Variants in BOLL observed in about 807,000 individuals in gnomAD.
BOLL encodes boule RNA binding protein.
A neutral mutation model predicts 44.4 loss-of-function variants in BOLL; 23 were observed. The ratio of observed to expected loss-of-function variants is 0.52; its 90% confidence interval spans 0.37 to 0.73. The LOEUF (loss-of-function observed/expected upper bound fraction) is 0.73. Among genes scored for constraint, BOLL ranks in the 30% least tolerant of loss-of-function variants. The pLI, the probability that BOLL is intolerant of heterozygous loss-of-function variation, is 0.00. For synonymous variants in BOLL, 97 were observed against 110.8 expected, an observed-to-expected ratio of 0.88 and a Z score of 0.78; for missense variants, 287 against 338.3, an observed-to-expected ratio of 0.85 and a Z score of 1.19.
At chr2:197,768,889 G>A (rs770740670) in intron 6 of BOLL, among the ~76,000 whole-genome samples, 66 of 150,292 alleles carry the variant, frequency 4.4e-4, no homozygotes, top group Admixed American at 8.0e-4. Context: ...GAATTTTGTC[G>A]AAGGCCTTTC....
At chr2:197,751,129 C>T (rs1688227309) in intron 9 of BOLL, among the ~76,000 whole-genome samples, 1 of 152,188 alleles carries the variant, frequency 6.6e-6, no homozygotes, top group South Asian at 2.1e-4. Flanking sequence ...ACCAGAATCT[C>T]TGGGACACAG....
intron 6 of BOLL, among the ~76,000 whole-genome samples, chr2:197,771,434 C>G (rs1293812146): frequency 6.6e-6 from 1 of 151,776 alleles, no homozygotes; most frequent in Non-Finnish European, 1.5e-5. Flanking sequence ...CAACATGGCA[C>G]ATGTATACAT....
At chr2:197,734,473 A>G (rs1052850395) in intron 10 of BOLL, among the ~76,000 whole-genome samples, 3 of 152,210 alleles carry the variant, frequency 2.0e-5, no homozygotes, top group African/African-American at 7.2e-5. Flanking sequence ...GTATATACCC[A>G]AAGGGTTATA....
rs565889172 is a variant in BOLL at position 197,728,259 on chromosome 2, T to A, written c.*296A>T. 2.3e-6 allele frequency: 1 copy of A among 436,764 alleles called. No homozygotes were observed. The highest frequency in any genetic ancestry group is 4.0e-5 in the Admixed American group (1 of 25,216). 27.1% of individuals were successfully genotyped at this position (436,764 alleles called of 1,614,324 possible). A position where few individuals can be genotyped will look rare whatever the true frequency, so the allele number is the denominator to read the frequency against. ...AAAAGACACCTCACTATTCCCAATG[T>A]GGTTATTATTTATGGAATGGATAAA... On this transcript the variant is annotated 3_prime_UTR_variant, in exon 11 of 11. Transcript: ENST00000392296.
intron 6 of BOLL, among the ~76,000 whole-genome samples, chr2:197,767,565 G>T (rs1689050905): frequency 6.6e-6 from 1 of 151,840 alleles, no homozygotes; most frequent in Non-Finnish European, 1.5e-5. Flanking sequence ...AACAAACATG[G>T]TAGAAAATGG....
intron 10 of BOLL, among the ~76,000 whole-genome samples, chr2:197,735,956 C>A (rs563449278): frequency 1.3e-5 from 2 of 152,064 alleles, no homozygotes; most frequent in Admixed American, 6.6e-5. Flanking sequence ...ATGGGAAGTT[C>A]TTTGTGCATG....
intron 7 of BOLL, among the ~76,000 whole-genome samples, chr2:197,765,398 ATAAGTTC>A (rs1031450569): frequency 3.3e-5 from 5 of 152,180 alleles, no homozygotes; most frequent in African/African-American, 1.2e-4. Context: ...GATAGGAGGA[ATAAGTTC>A]TAATGTTTTA....
intron 7 of BOLL, among the ~76,000 whole-genome samples, chr2:197,759,986 A>G (rs952013406): frequency 2.0e-5 from 3 of 152,138 alleles, no homozygotes; most frequent in African/African-American, 7.2e-5. Context: ...CTGTGTGTCC[A>G]TGCCTCAGGC....
At chr2:197,754,056 T>C (rs1255038330) in intron 9 of BOLL, among the ~76,000 whole-genome samples, 2 of 152,150 alleles carry the variant, frequency 1.3e-5, no homozygotes, top group Non-Finnish European at 2.9e-5. Context: ...AAACACTGCA[T>C]GTTCTCACTC....
Position 197,785,131 on chromosome 2 carries a change from G to T in BOLL, c.-91C>A, listed in dbSNP as rs545671890. ...CGGCACTGGGGGAAATGGCCGCGGC[G>T]ACAACTTCCTCGAGTTCTCTCGGGT... On this transcript the variant is annotated 5_prime_UTR_variant, in exon 1 of 11. The change creates a premature stop within an existing upstream ORF in the 5' untranslated region. Coordinates refer to ENST00000392296, the MANE Select transcript of BOLL (RefSeq NM_033030.6). The surrounding 1 kb of genome is among the most constrained non-coding windows in gnomAD (Gnocchi z 6.7). 1.0e-6 allele frequency: 1 copy of T among 985,874 alleles called. No individual in the cohort carries two copies. The highest frequency in any genetic ancestry group is 1.7e-5 in the African/African-American group (1 of 57,238). The allele number at this position is 985,874 out of a possible 1,614,324, so 61.1% of individuals were successfully genotyped here. A position where few individuals can be genotyped will look rare whatever the true frequency, so the allele number is the denominator to read the frequency against.
At chr2:197,729,861 GA>G (rs1687067193) in intron 10 of BOLL, among the ~76,000 whole-genome samples, 1 of 151,748 alleles carries the variant, frequency 6.6e-6, no homozygotes, top group Non-Finnish European at 1.5e-5. Flanking sequence ...CAAAGATGGG[GA>G]AAAAACAGAA....
chr2:197,770,778 C>T (rs1466586971), intron 6 of BOLL, among the ~76,000 whole-genome samples: 2 of 152,084 alleles, frequency 1.3e-5, no homozygotes, highest in Non-Finnish European at 2.9e-5. Flanking sequence ...CAGAGAAATG[C>T]AAATCAAAAC....
intron 7 of BOLL, among the ~76,000 whole-genome samples, chr2:197,761,274 A>G (rs994296527): frequency 2.6e-5 from 4 of 152,192 alleles, no homozygotes; most frequent in African/African-American, 9.7e-5. Context: ...TCATGTCACT[A>G]TACTCTGTCT....
At position 197,727,735 on chromosome 2, in the gene BOLL, A is replaced by T. The variant is rs945714664; in HGVS notation, c.*820T>A. ...GAATTTCAGTCAGTGTTATGGGATCATGTCAGAGATGAACCCTTTTATCAA... is the reference window on the plus strand; with the variant it reads ...GAATTTCAGTCAGTGTTATGGGATCTTGTCAGAGATGAACCCTTTTATCAA... On this transcript the variant is annotated 3_prime_UTR_variant, in exon 11 of 11. Transcript: ENST00000392296. The T allele has an allele frequency of 6.6e-6, 1 of 152,334 alleles. No homozygotes were observed. Among genetic ancestry groups the T allele is most frequent in the Non-Finnish European group, 1.5e-5 (1 of 68,010 alleles). 9.4% of individuals were successfully genotyped at this position (152,334 alleles called of 1,614,324 possible).
intron 9 of BOLL, among the ~76,000 whole-genome samples, chr2:197,751,017 G>T (rs1377123064): frequency 1.3e-5 from 2 of 152,084 alleles, no homozygotes; most frequent in Non-Finnish European, 2.9e-5. Flanking sequence ...ACAACTACAT[G>T]GAAACTGAAC....
intron 10 of BOLL, among the ~76,000 whole-genome samples, chr2:197,733,679 T>C (rs1031034968): frequency 6.6e-6 from 1 of 152,146 alleles, no homozygotes; most frequent in Non-Finnish European, 1.5e-5. Context: ...CTATCTGATC[T>C]TTGACAAGCC....
intron 10 of BOLL, among the ~76,000 whole-genome samples, chr2:197,734,702 T>G (rs1029375876): frequency 2.0e-5 from 3 of 151,928 alleles, no homozygotes; most frequent in Non-Finnish European, 4.4e-5. Context: ...AGCAAACTAT[T>G]GCAAGGACAA....
At chr2:197,765,885 C>G (rs1192998823) in intron 7 of BOLL, among the ~76,000 whole-genome samples, 1 of 152,016 alleles carries the variant, frequency 6.6e-6, no homozygotes, top group African/African-American at 2.4e-5. Flanking sequence ...CTACTGTTCC[C>G]TTCTTTACGT....
At chr2:197,786,121 C>T, upstream of BOLL, 2 of 1,416,190 alleles carry the variant, frequency 1.4e-6, no homozygotes, top group Non-Finnish European at 1.9e-6. The surrounding 1 kb of genome is among the most constrained non-coding windows in gnomAD (Gnocchi z 5.9). Context: ...CCCCTGGCGG[C>T]GAGGGTGGCT....
Sources: allele counts gnomAD v4.1 joint callset (sites outside exome capture counted in the v4.1 genomes callset), GRCh38; gene constraint gnomAD v4.1.1; non-coding constraint Gnocchi (gnomAD v3.1); transcripts MANE v1.5; gene names NCBI Gene and HGNC (gene_info 2026-07-23, HGNC 2026-07-21).